Variants in CPT1A observed in about 807,000 individuals in gnomAD.
The protein encoded by CPT1A is carnitine palmitoyltransferase 1A.
A neutral mutation model predicts 100.8 loss-of-function variants in CPT1A; 64 were observed. That is an observed-to-expected ratio of 0.63 (90% confidence interval 0.52 to 0.78). CPT1A has a LOEUF of 0.78. CPT1A is among the 30% of genes least tolerant of loss of function. CPT1A has a pLI of 0.00. For missense variants in CPT1A, 802 were observed against 1,034.1 expected (o/e 0.78, Z 3.08); for synonymous variants, 363 against 396.0 (o/e 0.92, Z 0.99).
chr11:68,824,759 G>C (rs1230162330), intron 1 of CPT1A, among the ~76,000 whole-genome samples: 3 of 146,974 alleles, frequency 2.0e-5, no homozygotes, highest in African/African-American at 7.5e-5. Context: ...ATCTTTTATT[G>C]ATACATCCTA....
At position 68,771,321 on chromosome 11, in the gene CPT1A, G is replaced by A. The variant is rs191482950; in HGVS notation, c.1740+1944C>T. ...TCCTTACTAAACTCCTAAGTCCTGC[G>A]CTTACTTGCAGGGAATTCTTTTAAA... On this transcript the variant is annotated intron_variant, in intron 14 of 18. Coordinates refer to ENST00000265641, the MANE Select transcript of CPT1A (RefSeq NM_001876.4). Among the ~76,000 whole-genome samples, 520 of 152,210 alleles carry A rather than the reference G, an allele frequency of 3.4e-3. 4 individuals carry two copies. Among genetic ancestry groups the A allele is most frequent in the African/African-American group, 0.011 (461 of 41,520 alleles).
Position 68,761,559 on chromosome 11 carries a change from A to G in CPT1A, c.2004T>C (p.Ala668=), listed in dbSNP as rs2228503. The change falls in exon 16 of 19, where the codon GCT becomes GCC. Residue 668 remains alanine (A), a synonymous_variant. Coordinates refer to ENST00000265641, the MANE Select transcript of CPT1A (RefSeq NM_001876.4). ...CTTCCTTAAGGAAAGGGGACTCCAC[A>G]GCGAGATATTTAGACACCACGTAAA... ...FCLYVVSKYL[A]VESPFLKEVL... The G allele has an allele frequency of 1.6e-3, 2,542 of 1,614,132 alleles. 40 individuals are homozygous for G. In the African/African-American group the frequency reaches 0.029, roughly 18 times the overall value.
At chr11:68,768,731 G>C (rs1854898060) in intron 14 of CPT1A, among the ~76,000 whole-genome samples, 1 of 152,184 alleles carries the variant, frequency 6.6e-6, no homozygotes, top group African/African-American at 2.4e-5. Flanking sequence ...TTTACAGTAA[G>C]CTTGCTCACA....
intron 14 of CPT1A, among the ~76,000 whole-genome samples, chr11:68,770,048 AG>A (rs1345850859): frequency 5.5e-5 from 5 of 91,586 alleles, no homozygotes; most frequent in Non-Finnish European, 1.1e-4. Context: ...CAACAGAGTA[AG>A]GCTCCGTCTC....
chr11:68,795,116 T>C (rs767701950), intron 7 of CPT1A, among the ~76,000 whole-genome samples: 28 of 152,196 alleles, frequency 1.8e-4, no homozygotes, highest in Non-Finnish European at 3.4e-4. Context: ...AGAACATAAG[T>C]CCTCTAAAAC....
chr11:68,793,914 C>T (rs1168885504), intron 8 of CPT1A, among the ~76,000 whole-genome samples: 1 of 152,164 alleles, frequency 6.6e-6, no homozygotes, highest in African/African-American at 2.4e-5. Context: ...CAGGGTGCAA[C>T]TTCCTGCACA....
In CPT1A at chr11:68,834,044, A is replaced by T. The variant is rs116206918; in HGVS notation, c.-14+7731T>A. On this transcript the variant is annotated intron_variant, in intron 1 of 18. Transcript: ENST00000265641. The stretch of plus-strand genomic sequence containing the variant: ...TCATGACTGATCATTCAATATTCAC[A>T]TTATTTAAATTGGCCACACAGTGGA... Among the ~76,000 whole-genome samples, 1,172 of 152,282 alleles carry T rather than the reference A, an allele frequency of 7.7e-3. 10 individuals carry two copies. Among genetic ancestry groups the T allele is most frequent in the African/African-American group, 0.026 (1,090 of 41,546 alleles).
At chr11:68,773,956 C>G (rs767964317) in intron 13 of CPT1A, 2 of 192,562 alleles carry the variant, frequency 1.0e-5, no homozygotes, top group African/African-American at 2.3e-5. Flanking sequence ...TGAGCATGCG[C>G]ACAACTCCAG....
intron 10 of CPT1A, among the ~76,000 whole-genome samples, chr11:68,783,341 T>C (rs1332299160): frequency 1.3e-5 from 2 of 151,314 alleles, no homozygotes; most frequent in Non-Finnish European, 2.9e-5. Flanking sequence ...TCAAATATGA[T>C]TGGGTGCCTG....
At chr11:68,824,438 A>G (rs1856669304) in intron 1 of CPT1A, among the ~76,000 whole-genome samples, 1 of 152,140 alleles carries the variant, frequency 6.6e-6, no homozygotes, top group Non-Finnish European at 1.5e-5. Flanking sequence ...ATGCCTGTGT[A>G]ACAAACAGGC....
At chr11:68,754,871 C>T (rs951699418), downstream of CPT1A, 2 of 780,492 alleles carry the variant, frequency 2.6e-6, no homozygotes, top group Admixed American at 3.4e-5. Context: ...ACAAAAGAGA[C>T]AGAAACAAAT....
chr11:68,811,042 T>C (rs559209014), intron 3 of CPT1A, among the ~76,000 whole-genome samples: 1 of 152,340 alleles, frequency 6.6e-6, no homozygotes, highest in South Asian at 2.1e-4. Context: ...TACGTCTCTT[T>C]TTCTGCCGGT....
chr11:68,762,733 T>A lies in CPT1A; in HGVS notation c.1769A>T (p.Glu590Val). The change falls in exon 15 of 19, where the codon GAG becomes GTG. Residue 590 changes from glutamate (E) to valine (V), a missense_variant. Glu to Val is a moderately radical substitution (Grantham distance 121). This residue lies in a region of CPT1A where 627 missense variants were observed against 799.3 expected (regional missense o/e 0.78). Coordinates refer to ENST00000265641, the MANE Select transcript of CPT1A (RefSeq NM_001876.4). ...TCGGAAGAGCCGGGTCATGGAGGCCTCGTATGTGAGGCAAAACTTGCCCAT... is the reference window on the plus strand; with the variant it reads ...TCGGAAGAGCCGGGTCATGGAGGCCACGTATGTGAGGCAAAACTTGCCCAT... ...KDMGKFCLTY[E>V]ASMTRLFREG... 1 of 1,614,028 alleles carries A rather than the reference T, an allele frequency of 6.2e-7. No individual in the cohort carries two copies. The highest frequency in any genetic ancestry group is 8.5e-7 in the Non-Finnish European group (1 of 1,180,010).
chr11:68,778,669 C>T (rs1050326138), intron 12 of CPT1A, among the ~76,000 whole-genome samples: 1 of 151,558 alleles, frequency 6.6e-6, no homozygotes. Context: ...GCACACCAGC[C>T]TGGGTGACAG....
chr11:68,797,904 G>A (rs1423301118), intron 6 of CPT1A, among the ~76,000 whole-genome samples: 3 of 152,182 alleles, frequency 2.0e-5, no homozygotes, highest in African/African-American at 7.2e-5. Flanking sequence ...CTTGAACCTG[G>A]GAGGCAGAGC....
In CPT1A at chr11:68,796,940, G is replaced by T; in HGVS notation, c.694-7C>A. 1 of 1,613,654 alleles carries T rather than the reference G, an allele frequency of 6.2e-7. No individual in the cohort carries two copies. The highest frequency in any genetic ancestry group is 1.3e-5 in the African/African-American group (1 of 75,014). ...CCTCCCACCAGTCGCTCACCTAGTG[G>T]GCGCAAACACCAGACAAACCCGCAG... On this transcript the variant is annotated splice_polypyrimidine_tract_variant and splice_region_variant and intron_variant, in intron 6 of 18. Coordinates refer to ENST00000265641, the MANE Select transcript of CPT1A (RefSeq NM_001876.4).
chr11:68,812,668 C>T (rs111684381), intron 2 of CPT1A, 92 bp from the exon 3 acceptor site: 1 of 1,493,082 alleles, frequency 6.7e-7, no homozygotes, highest in African/African-American at 1.4e-5. Context: ...GCTGCTGGGA[C>T]AGCAGGCAGT....
At chr11:68,785,840 T>A in intron 9 of CPT1A, 1 of 545,818 alleles carries the variant, frequency 1.8e-6, no homozygotes, top group Non-Finnish European at 3.2e-6. Context: ...CCGAGAAATG[T>A]TCTGAGAAAG....
chr11:68,783,542 C>T (rs1855373112), intron 10 of CPT1A, among the ~76,000 whole-genome samples: 1 of 152,214 alleles, frequency 6.6e-6, no homozygotes, highest in African/African-American at 2.4e-5. Context: ...CTGATCTTTG[C>T]AGAAGGGGCC....
Sources: allele counts gnomAD v4.1 joint callset (sites outside exome capture counted in the v4.1 genomes callset), GRCh38; gene constraint gnomAD v4.1.1; regional missense constraint gnomAD v4.1.1; transcripts MANE v1.5; gene names NCBI Gene and HGNC (gene_info 2026-07-23, HGNC 2026-07-21).